Variants in CDC42BPA observed in about 807,000 individuals in gnomAD.
CDC42BPA encodes the protein CDC42 binding protein kinase alpha.
In CDC42BPA, 80 loss-of-function variants were observed where a neutral mutation model predicts 223.5. The ratio of observed to expected loss-of-function variants is 0.36; its 90% CI spans 0.30 to 0.43. CDC42BPA has a LOEUF of 0.43. Among genes scored for constraint, CDC42BPA ranks in the 20% least tolerant of loss-of-function variants. The pLI, the probability that CDC42BPA is intolerant of heterozygous loss-of-function variation, is 1.00. For synonymous variants in CDC42BPA, 694 were observed against 718.6 expected, an observed-to-expected ratio of 0.97 and a Z score of 0.55; for missense variants, 1,743 against 2,099.9, an observed-to-expected ratio of 0.83 and a Z score of 3.32.
At chr1:227,026,417 C>A (rs1430733296) in intron 30 of CDC42BPA, among the ~76,000 whole-genome samples, 1 of 152,086 alleles carries the variant, frequency 6.6e-6, no homozygotes, top group Non-Finnish European at 1.5e-5. Context: ...TTTCTTTGCC[C>A]AACATGAGTT....
chr1:227,311,898 T>C (rs562668980), intron 1 of CDC42BPA, among the ~76,000 whole-genome samples: 3 of 152,152 alleles, frequency 2.0e-5, no homozygotes, highest in African/African-American at 7.2e-5. Flanking sequence ...TACCTTACAC[T>C]CTTTCCCTTC....
chr1:227,223,960 G>A (rs761805661), intron 2 of CDC42BPA, among the ~76,000 whole-genome samples: 2 of 152,142 alleles, frequency 1.3e-5, no homozygotes, highest in Non-Finnish European at 2.9e-5. Context: ...CACGTTTAAG[G>A]TAGGCTAGGC....
At chr1:227,302,201 A>G (rs1044183998) in intron 1 of CDC42BPA, among the ~76,000 whole-genome samples, 3 of 151,342 alleles carry the variant, frequency 2.0e-5, no homozygotes, top group African/African-American at 7.3e-5. Flanking sequence ...ATCTTCATTC[A>G]CTCCTTTACC....
intron 23 of CDC42BPA, among the ~76,000 whole-genome samples, chr1:227,042,301 T>G (rs987833810): frequency 4.0e-4 from 17 of 43,028 alleles, no homozygotes; most frequent in Non-Finnish European, 6.7e-4. Context: ...ATATATGATA[T>G]ATATATATAT....
intron 16 of CDC42BPA, among the ~76,000 whole-genome samples, chr1:227,082,145 A>G (rs1230564330): frequency 6.6e-6 from 1 of 152,066 alleles, no homozygotes; most frequent in East Asian, 1.9e-4. Flanking sequence ...CTCCCACTTC[A>G]GCCTCCCTAG....
At chr1:227,228,670 TC>T (rs34734618) in intron 2 of CDC42BPA, among the ~76,000 whole-genome samples, 30,261 of 152,128 alleles carry the variant, frequency 0.2, 3,124 homozygotes, top group East Asian at 0.26. Flanking sequence ...CTTTCCAATT[TC>T]CCTATATCTT....
At chr1:227,131,085 T>C (rs373414803) in intron 10 of CDC42BPA, among the ~76,000 whole-genome samples, 1 of 152,226 alleles carries the variant, frequency 6.6e-6, no homozygotes, top group African/African-American at 2.4e-5. Context: ...GGATTTTACA[T>C]GTTGTTCTCT....
chr1:227,079,234 T>C (rs1425856558), intron 17 of CDC42BPA, among the ~76,000 whole-genome samples: 2 of 152,190 alleles, frequency 1.3e-5, no homozygotes, highest in African/African-American at 4.8e-5. Context: ...GACTTCCTCG[T>C]ATTTCTGATT....
chr1:227,277,557 A>G (rs1337126040), intron 1 of CDC42BPA, among the ~76,000 whole-genome samples: 1 of 152,242 alleles, frequency 6.6e-6, no homozygotes, highest in African/African-American at 2.4e-5. Context: ...AATCAAGATG[A>G]GTTTAATCCA....
intron 22 of CDC42BPA, among the ~76,000 whole-genome samples, chr1:227,048,653 T>G (rs894610445): frequency 6.6e-6 from 1 of 151,042 alleles, no homozygotes; most frequent in African/African-American, 2.4e-5. Context: ...TTTTATGGGG[T>G]TTTATTGTAA....
chr1:227,089,748 C>T (rs1318078198), intron 16 of CDC42BPA, among the ~76,000 whole-genome samples: 1 of 149,238 alleles, frequency 6.7e-6, no homozygotes, highest in Non-Finnish European at 1.5e-5. Context: ...GACTGCAACA[C>T]AATTTTAATC....
chr1:227,214,030 A>G (rs1674403569), intron 2 of CDC42BPA, among the ~76,000 whole-genome samples: 1 of 152,172 alleles, frequency 6.6e-6, no homozygotes, highest in Non-Finnish European at 1.5e-5. Context: ...GCCACAGGCT[A>G]GCCCACAAAA....
chr1:227,133,633 G>C (rs1447012886), intron 10 of CDC42BPA, among the ~76,000 whole-genome samples: 1 of 152,186 alleles, frequency 6.6e-6, no homozygotes, highest in East Asian at 1.9e-4. Context: ...AAATTCTTCT[G>C]CCTTGGGATC....
chr1:227,161,553 A>C (rs1663894579), intron 5 of CDC42BPA, among the ~76,000 whole-genome samples: 1 of 152,236 alleles, frequency 6.6e-6, no homozygotes, highest in African/African-American at 2.4e-5. Context: ...ACCCATAATA[A>C]GGGTAAAATA....
chr1:227,120,321 G>A (rs192673691), intron 11 of CDC42BPA, among the ~76,000 whole-genome samples: 41 of 152,284 alleles, frequency 2.7e-4, no homozygotes, highest in South Asian at 8.3e-4. Context: ...TCAAATTACC[G>A]TGTAAGACGG....
In CDC42BPA at chr1:227,304,065, T is replaced by C. The variant is rs192411936; in HGVS notation, c.178+12940A>G. On this transcript the variant is annotated intron_variant, in intron 1 of 36. Coordinates refer to ENST00000366766, the MANE Select transcript of CDC42BPA (RefSeq NM_001394014.1). ...CCACCATGAAGTACTTGTTTACAAA[T>C]TGCCAACTGCTAGGGGATAATAAAT... Among the ~76,000 whole-genome samples the C allele has an allele frequency of 5.3e-5, 8 of 152,346 alleles. No individual in the cohort carries two copies. In the East Asian group the frequency reaches 1.2e-3, roughly 22 times the overall value.
chr1:227,129,857 C>T (rs1296957206), intron 10 of CDC42BPA, among the ~76,000 whole-genome samples: 2 of 151,900 alleles, frequency 1.3e-5, no homozygotes, highest in South Asian at 2.1e-4. Flanking sequence ...CAGTCAGATG[C>T]TATACGAAGA....
In CDC42BPA at chr1:227,035,622, AAAG is replaced by A. The variant is rs752603744; in HGVS notation, c.3200-18_3200-16del. On this transcript the variant is annotated splice_polypyrimidine_tract_variant and intron_variant, in intron 24 of 36. Coordinates refer to ENST00000366766, the MANE Select transcript of CDC42BPA (RefSeq NM_001394014.1). ...GAATCCACACACTTTTAGAGGGAAAAAAGAAACGTTTGATAAAAATTCATTTTA... is the reference window on the plus strand; with the variant it reads ...GAATCCACACACTTTTAGAGGGAAAAAAACGTTTGATAAAAATTCATTTTA... 1 of 1,558,868 alleles carries A rather than the reference AAAG, an allele frequency of 6.4e-7. No homozygotes were observed. The highest frequency in any genetic ancestry group is 8.6e-7 in the Non-Finnish European group (1 of 1,162,334).
At chr1:227,074,784 T>C (rs1421515609) in intron 17 of CDC42BPA, among the ~76,000 whole-genome samples, 2 of 152,176 alleles carry the variant, frequency 1.3e-5, no homozygotes, top group Non-Finnish European at 2.9e-5. Flanking sequence ...TATATTAAAT[T>C]TAGAAAGTTT....
Sources: gnomAD v4.1 joint callset for allele counts (sites outside exome capture counted in the v4.1 genomes callset) on GRCh38, gnomAD v4.1.1 for gene constraint, MANE v1.5 for transcripts, NCBI Gene and HGNC (gene_info 2026-07-23, HGNC 2026-07-21) for gene names.